SYTL3: variants seen among roughly 807,000 people sequenced by gnomAD.
The protein encoded by SYTL3 is synaptotagmin-like protein 3.
A neutral mutation model predicts 82.1 loss-of-function variants in SYTL3; 88 were observed. The observed-to-expected ratio is 1.07, with a 90% CI of 0.90 to 1.28. SYTL3 has a LOEUF of 1.28. Among genes scored for constraint, SYTL3 ranks in the 50% most tolerant of loss-of-function variants. SYTL3 has a pLI of 0.00. For missense variants in SYTL3, 831 were observed against 757.6 expected (o/e 1.10, Z -1.14); for synonymous variants, 311 against 289.4 (o/e 1.07, Z -0.76).
intron 8 of SYTL3, among the ~76,000 whole-genome samples, chr6:158,712,759 CTTTT>C (rs56677894): frequency 2.4e-5 from 3 of 127,656 alleles, no homozygotes; most frequent in Admixed American, 1.6e-4. Flanking sequence ...TTCTTTCTTT[CTTTT>C]TTTTTTTTTT....
rs573629202 is a variant in SYTL3 at position 158,702,968 on chromosome 6, T to C, written c.395-4262T>C. Among the ~76,000 whole-genome samples, 464 of 151,802 alleles carry C rather than the reference T, an allele frequency of 3.1e-3. 3 individuals are homozygous for C. The highest frequency in any genetic ancestry group is 5.4e-3 in the Non-Finnish European group (370 of 67,890). ...AGGAGATCGAGACCATCCTGGCTAA[T>C]ACGGTGAAACCCCATCTCTACTAAA... On this transcript the variant is annotated intron_variant, in intron 6 of 17. Coordinates refer to ENST00000611299, the MANE Select transcript of SYTL3 (RefSeq NM_001242394.2).
At chr6:158,655,352 C>T (rs541788865) in intron 2 of SYTL3, among the ~76,000 whole-genome samples, 10 of 152,222 alleles carry the variant, frequency 6.6e-5, no homozygotes, top group South Asian at 2.1e-4. Context: ...AGTAAATCTC[C>T]GTGTCGCAAT....
chr6:158,675,824 C>T (rs982952673), intron 5 of SYTL3, among the ~76,000 whole-genome samples: 4 of 152,090 alleles, frequency 2.6e-5, no homozygotes, highest in African/African-American at 9.7e-5. Flanking sequence ...GTGGTGGGCA[C>T]CTGTAGTCCC....
intron 6 of SYTL3, among the ~76,000 whole-genome samples, chr6:158,699,771 A>C (rs1214368159): frequency 1.3e-5 from 2 of 151,588 alleles, no homozygotes; most frequent in African/African-American, 4.9e-5. Flanking sequence ...AACATAGTGA[A>C]ACCCCATCAC....
At chr6:158,653,141 TAGGGA>T (rs1788237823) in intron 2 of SYTL3, among the ~76,000 whole-genome samples, 1 of 152,214 alleles carries the variant, frequency 6.6e-6, no homozygotes, top group Admixed American at 6.5e-5. Flanking sequence ...AGCCTATGAA[TAGGGA>T]ACTGAGCTGA....
At chr6:158,714,478 C>T (rs998701299) in intron 9 of SYTL3, among the ~76,000 whole-genome samples, 2 of 152,202 alleles carry the variant, frequency 1.3e-5, no homozygotes, top group Non-Finnish European at 2.9e-5. Context: ...CTCCTCTCCT[C>T]CTTGGTAAAT....
chr6:158,747,916 G>A, intron 12 of SYTL3, among the ~76,000 whole-genome samples: 1 of 152,082 alleles, frequency 6.6e-6, no homozygotes, highest in Non-Finnish European at 1.5e-5. Context: ...CATCCTAGCT[G>A]TAACTTGTTT....
upstream of SYTL3, among the ~76,000 whole-genome samples, chr6:158,646,844 C>T (rs1219276672): frequency 6.6e-6 from 1 of 152,206 alleles, no homozygotes; most frequent in Non-Finnish European, 1.5e-5. Flanking sequence ...CTGCCCTTCT[C>T]AGTATCACCT....
At chr6:158,705,643 G>GGGC in intron 6 of SYTL3, among the ~76,000 whole-genome samples, 2 of 132,868 alleles carry the variant, frequency 1.5e-5, no homozygotes, top group Non-Finnish European at 3.3e-5. Flanking sequence ...CAGGGTGACA[G>GGGC]TGAGGGCTGT....
chr6:158,716,774 G>A (rs117299465), intron 9 of SYTL3, among the ~76,000 whole-genome samples: 1,895 of 152,214 alleles, frequency 0.012, 26 homozygotes, highest in South Asian at 0.022. Flanking sequence ...AAAGCCAGCC[G>A]GGGGGTCAAG....
intron 6 of SYTL3, among the ~76,000 whole-genome samples, chr6:158,686,479 CACA>C (rs1779305444): frequency 6.6e-6 from 1 of 152,088 alleles, no homozygotes; most frequent in Non-Finnish European, 1.5e-5. Flanking sequence ...AGGTTAGGAG[CACA>C]CAAGTAGTGC....
chr6:158,707,236 A>G lies in SYTL3; in HGVS notation c.401A>G (p.His134Arg). Reference protein sequence around the residue: ...RAKKFPTGGKHETVGGQLLQS... With the variant: ...RAKKFPTGGKRETVGGQLLQS... ...CTATGGATATCTCTCGCAGGCAAAC[A>G]TGAGACAGTTGGAGGGCAGCTCTTG... The change falls in exon 7 of 18, where the codon CAT (histidine) becomes CGT (arginine). Residue 134 changes from histidine to arginine, a missense_variant. Transcript: ENST00000611299. 1.2e-6 allele frequency: 2 copies of G among 1,613,984 alleles called. No individual in the cohort carries two copies. The highest frequency in any genetic ancestry group is 1.7e-6 in the Non-Finnish European group (2 of 1,180,038).
chr6:158,709,440 T>C (rs1339508641), intron 8 of SYTL3, among the ~76,000 whole-genome samples: 1 of 152,168 alleles, frequency 6.6e-6, no homozygotes, highest in Non-Finnish European at 1.5e-5. Context: ...GAATATATAT[T>C]GCTTTCACAC....
At chr6:158,714,545 C>T (rs970654248) in intron 9 of SYTL3, among the ~76,000 whole-genome samples, 3 of 152,128 alleles carry the variant, frequency 2.0e-5, no homozygotes, top group African/African-American at 7.2e-5. Context: ...AACCTAGAAC[C>T]ACCTCCACTT....
intron 11 of SYTL3, chr6:158,726,359 G>A (rs1282504664): frequency 3.3e-6 from 1 of 305,760 alleles, no homozygotes; most frequent in South Asian, 3.8e-5. Flanking sequence ...GAACTTGTAG[G>A]CTTTGTTTGT....
rs114522799 is a variant in SYTL3 at position 158,743,552 on chromosome 6, T to C, written c.856-1928T>C. Reference sequence around the variant, plus strand: ...GCTCCTCTGTCCATTCTCTTCTATCTTCACTTCTCATACCTCACTCACTCA... The same window carrying C: ...GCTCCTCTGTCCATTCTCTTCTATCCTCACTTCTCATACCTCACTCACTCA... On this transcript the variant is annotated intron_variant, in intron 11 of 17. Transcript: ENST00000611299. Among the ~76,000 whole-genome samples, 1,463 of 149,938 alleles carry C rather than the reference T, an allele frequency of 9.8e-3. 17 individuals carry two copies. Among genetic ancestry groups the C allele is most frequent in the African/African-American group, 0.033 (1,356 of 40,936 alleles).
rs1230167011 is a variant in SYTL3 at position 158,764,782 on chromosome 6, C to T, written c.*178C>T. On this transcript the variant is annotated 3_prime_UTR_variant, in exon 18 of 18. Coordinates refer to ENST00000611299, the MANE Select transcript of SYTL3 (RefSeq NM_001242394.2). ...GGTATCTGTGTATATTTACGTTAAA[C>T]ACAATTATGTTACCTAAGCCTCTGG... 3.8e-6 allele frequency: 2 copies of T among 530,136 alleles called. No individual in the cohort carries two copies. Among genetic ancestry groups the T allele is most frequent in the African/African-American group, 3.8e-5 (2 of 52,272 alleles). 32.8% of individuals were successfully genotyped at this position (530,136 alleles called of 1,614,324 possible). A position where few individuals can be genotyped will look rare whatever the true frequency, so the allele number is the denominator to read the frequency against.
At chr6:158,739,637 C>G (rs536073911) in intron 11 of SYTL3, among the ~76,000 whole-genome samples, 9 of 151,958 alleles carry the variant, frequency 5.9e-5, no homozygotes, top group Admixed American at 5.2e-4. Context: ...ATTCTGTTGC[C>G]CAGGCTGGAA....
intron 3 of SYTL3, among the ~76,000 whole-genome samples, chr6:158,661,690 A>G (rs1347740212): frequency 6.6e-6 from 1 of 152,256 alleles, no homozygotes; most frequent in Non-Finnish European, 1.5e-5. Context: ...ACTCAAATTT[A>G]GCATTTTCTT....
Sources: gnomAD v4.1 joint callset for allele counts (sites outside exome capture counted in the v4.1 genomes callset) on GRCh38, gnomAD v4.1.1 for gene constraint, MANE v1.5 for transcripts, NCBI Gene and HGNC (gene_info 2026-07-23, HGNC 2026-07-21) for gene names.